Variants in XPO5 observed in about 807,000 individuals in gnomAD.
XPO5 encodes the protein exportin-5.
In XPO5, 46 loss-of-function variants were observed where a neutral mutation model predicts 160.6. The observed-to-expected ratio is 0.29, with a 90% CI of 0.23 to 0.37. The LOEUF (loss-of-function observed/expected upper bound fraction) is 0.37, where lower values mean the gene tolerates loss of function less well. Ranked by LOEUF, XPO5 falls within the 10% of genes least tolerant of loss-of-function variation. The probability of loss-of-function intolerance (pLI) is 1.00; values close to 1 mark genes in which losing one functional copy is unlikely to be tolerated. For synonymous variants in XPO5, 537 were observed against 519.3 expected, an observed-to-expected ratio of 1.03 and a Z score of -0.46; for missense variants, 1,090 against 1,463.9, an observed-to-expected ratio of 0.74 and a Z score of 4.17.
chr6:43,543,804 G>A (rs1003810083), intron 20 of XPO5, among the ~76,000 whole-genome samples: 18 of 151,928 alleles, frequency 1.2e-4, no homozygotes, highest in Non-Finnish European at 1.0e-4. Context: ...AGCCTCCCGA[G>A]TAGCTGGGAT....
chr6:43,535,061 G>C (rs1794231502), intron 20 of XPO5, among the ~76,000 whole-genome samples: 1 of 151,860 alleles, frequency 6.6e-6, no homozygotes, highest in South Asian at 2.1e-4. Flanking sequence ...GGGAGGCTGA[G>C]GTGGGTGGAT....
intron 11 of XPO5, 118 bp downstream of exon 11, chr6:43,560,060 C>T: frequency 7.8e-7 from 1 of 1,280,856 alleles, no homozygotes; most frequent in Non-Finnish European, 1.1e-6. Flanking sequence ...CTCAAGCGAT[C>T]CTCCCGCCTC....
chr6:43,546,769 A>G lies in XPO5; in HGVS notation c.2161-17T>C. The G allele has an allele frequency of 6.5e-7, 1 of 1,537,446 alleles. No individual in the cohort carries two copies. The highest frequency in any genetic ancestry group is 1.2e-5 in the South Asian group (1 of 80,040). On this transcript the variant is annotated splice_polypyrimidine_tract_variant and intron_variant, in intron 19 of 31. Transcript: ENST00000265351. ...AAAGCTCATCTATAGAAAAATAAGA[A>G]TGACAGATAAATATTAAAAGGAAAA... is the stretch of plus-strand genomic sequence containing the variant.
Position 43,530,750 on chromosome 6 carries a change from A to T in XPO5, c.2615T>A (p.Leu872His). ...FYTVEDLATQ[L>H]LSSAFVNLNN... The stretch of plus-strand genomic sequence containing the variant: ...CAAGTTGACAAAGGCTGAGCTGAGA[A>T]GCTGGGTAGCAAGGTCCTCCACAGT... The change falls in exon 23 of 32, where the codon CTT becomes CAT. Residue 872 changes from leucine (L) to histidine (H), a missense_variant. Leu to His is a moderately conservative substitution (Grantham distance 99). Coordinates refer to ENST00000265351, the MANE Select transcript of XPO5 (RefSeq NM_020750.3). 1 of 1,614,006 alleles carries T rather than the reference A, an allele frequency of 6.2e-7. No homozygotes were observed. The highest frequency in any genetic ancestry group is 8.5e-7 in the Non-Finnish European group (1 of 1,179,886).
intron 8 of XPO5, among the ~76,000 whole-genome samples, chr6:43,563,922 AAACTT>A (rs1248592384): frequency 1.3e-5 from 2 of 152,100 alleles, no homozygotes; most frequent in South Asian, 2.1e-4. Flanking sequence ...AGGCTAAACT[AAACTT>A]ATTTATTTAT....
At position 43,572,793 on chromosome 6, in the gene XPO5, G is replaced by A. The variant is rs59433017; in HGVS notation, c.228-215C>T. On this transcript the variant is annotated intron_variant, in intron 2 of 31. Coordinates refer to ENST00000265351, the MANE Select transcript of XPO5 (RefSeq NM_020750.3). ...GGGAAAAGGTTTTATATATGCAGTG[G>A]TCCATTAACTGGAATCCGCACAAGA... Among the ~76,000 whole-genome samples, 4,987 of 152,272 alleles carry A rather than the reference G, an allele frequency of 0.033. 265 individuals are homozygous for A. The highest frequency in any genetic ancestry group is 0.11 in the African/African-American group (4,612 of 41,538).
At chr6:43,531,367 C>T in intron 22 of XPO5, 112 bp downstream of exon 22, 2 of 945,604 alleles carry the variant, frequency 2.1e-6, no homozygotes, top group Non-Finnish European at 3.3e-6. Flanking sequence ...AGTTTCCTAT[C>T]AAACTCTTGC....
intron 5 of XPO5, 84 bp from the exon 6 acceptor site, chr6:43,568,821 T>C: frequency 8.4e-7 from 1 of 1,196,488 alleles, no homozygotes; most frequent in Non-Finnish European, 1.2e-6. Flanking sequence ...TCAATGCCCT[T>C]GAATAATGAT....
intron 21 of XPO5, 25 bp from the exon 22 acceptor site, chr6:43,531,600 C>T (rs760248867): frequency 6.3e-7 from 1 of 1,586,674 alleles, no homozygotes; most frequent in Admixed American, 1.7e-5. Context: ...GGGTCAAGAA[C>T]ATGATGCTCC....
At position 43,551,327 on chromosome 6, in the gene XPO5, G is replaced by A; in HGVS notation, c.1699C>T (p.Pro567Ser). ...SALFPFVTYR[P>S]EFLPQVFSKL... Reference sequence around the variant, plus strand: ...GAGAAGACCTGGGGCAGGAACTCTGGTCTGTAGGTGACAAATGGAAAGAGT... The same window carrying A: ...GAGAAGACCTGGGGCAGGAACTCTGATCTGTAGGTGACAAATGGAAAGAGT... Residue 567 changes from proline to serine, a missense_variant, in exon 15 of 32, where the codon CCA becomes TCA. This residue lies in a region of XPO5 where 810 missense variants were observed against 1,139.0 expected (regional missense o/e 0.71). Coordinates refer to ENST00000265351, the MANE Select transcript of XPO5 (RefSeq NM_020750.3). 1 of 1,613,800 alleles carries A rather than the reference G, an allele frequency of 6.2e-7. No individual in the cohort carries two copies.
At chr6:43,556,890 C>T (rs969137323) in intron 12 of XPO5, among the ~76,000 whole-genome samples, 3 of 150,306 alleles carry the variant, frequency 2.0e-5, no homozygotes, top group Non-Finnish European at 3.0e-5. Flanking sequence ...CACTTTGGGA[C>T]GCCAAGGCAG....
chr6:43,558,425 C>G (rs1245165802), intron 12 of XPO5, 76 bp downstream of exon 12: 1 of 1,332,070 alleles, frequency 7.5e-7, no homozygotes, highest in Non-Finnish European at 1.0e-6. Flanking sequence ...AAACCCCAAA[C>G]ACCATGCACC....
At chr6:43,565,919 C>T (rs766512038) in intron 7 of XPO5, among the ~76,000 whole-genome samples, 183 bp from the exon 8 acceptor site, 2 of 152,170 alleles carry the variant, frequency 1.3e-5, no homozygotes, top group Admixed American at 1.3e-4. Flanking sequence ...TATTTTTTCT[C>T]AAAACTATCA....
At chr6:43,554,323 G>A (rs1199484949) in intron 13 of XPO5, among the ~76,000 whole-genome samples, 1 of 152,036 alleles carries the variant, frequency 6.6e-6, no homozygotes, top group African/African-American at 2.4e-5. Context: ...ATCTTGGCCA[G>A]GCTGGTCTTA....
intron 26 of XPO5, 40 bp downstream of exon 26, chr6:43,527,593 AG>A: frequency 6.2e-7 from 1 of 1,605,258 alleles, no homozygotes; most frequent in Non-Finnish European, 8.5e-7. Context: ...CTCTTCTTCC[AG>A]GAAAATCCTC....
At chr6:43,549,957 G>C (rs999339501) in intron 15 of XPO5, 23 bp from the exon 16 acceptor site, 1 of 1,609,994 alleles carries the variant, frequency 6.2e-7, no homozygotes, top group Non-Finnish European at 8.5e-7. Flanking sequence ...AGGAAAAAAG[G>C]TCACTCATGT....
chr6:43,524,144 G>T, intron 31 of XPO5, 139 bp from the exon 32 acceptor site: 4 of 1,287,454 alleles, frequency 3.1e-6, no homozygotes, highest in Non-Finnish European at 3.1e-6. Flanking sequence ...CTGAGGTCAG[G>T]AGTTCAAGAC....
chr6:43,556,764 ACT>A (rs1762112026), intron 12 of XPO5, among the ~76,000 whole-genome samples: 1 of 152,194 alleles, frequency 6.6e-6, no homozygotes, highest in African/African-American at 2.4e-5. Context: ...AATGGAAATA[ACT>A]CAAATGTCCA....
At position 43,522,407 on chromosome 6, in the gene XPO5, AT is replaced by A; in HGVS notation, c.*1460del. 6.2e-6 allele frequency: 1 copy of A among 160,846 alleles called. No individual in the cohort carries two copies. Among genetic ancestry groups the A allele is most frequent in the Non-Finnish European group, 1.4e-5 (1 of 72,598 alleles). The allele number at this position is 160,846 out of a possible 1,614,324, so 10.0% of individuals were successfully genotyped here. On this transcript the variant is annotated 3_prime_UTR_variant, in exon 32 of 32. Transcript: ENST00000265351. ...GTTAATGTTTCTACAAAAAGTTTCT[AT>A]AAACAATAGAAAATTTCTAGCATGA...
Sources: allele counts gnomAD v4.1 joint callset (sites outside exome capture counted in the v4.1 genomes callset), GRCh38; gene constraint gnomAD v4.1.1; regional missense constraint gnomAD v4.1.1; transcripts MANE v1.5; gene names NCBI Gene and HGNC (gene_info 2026-07-23, HGNC 2026-07-21).